The following TTC6 variants were observed in gnomAD, a reference collection of about 807,000 sequenced individuals.
The protein encoded by TTC6 is tetratricopeptide repeat domain 6.
TTC6 carries 172 observed loss-of-function variants against 210.4 expected under a neutral mutation model. That is an observed-to-expected ratio of 0.82 (90% CI 0.72 to 0.93). TTC6 has a LOEUF of 0.93. Ranked by LOEUF, TTC6 falls within the 40% of genes least tolerant of loss-of-function variation. TTC6 has a pLI of 0.00. For missense variants in TTC6, 2,414 were observed against 2,318.1 expected (o/e 1.04, Z -0.85); for synonymous variants, 804 against 819.6 (o/e 0.98, Z 0.32).
intron 24 of TTC6, among the ~76,000 whole-genome samples, chr14:37,810,267 C>T (rs1316743540): frequency 6.6e-6 from 1 of 152,180 alleles, no homozygotes; most frequent in Non-Finnish European, 1.5e-5. Context: ...CCTCCCCAAC[C>T]CCATTCCTGC....
At chr14:37,662,584 A>T (rs1470823786) in intron 1 of TTC6, among the ~76,000 whole-genome samples, 1 of 152,050 alleles carries the variant, frequency 6.6e-6, no homozygotes, top group African/African-American at 2.4e-5. Context: ...TGATTTTTGT[A>T]TATGGTGAAA....
chr14:37,728,656 G>A (rs989997582), intron 7 of TTC6, among the ~76,000 whole-genome samples: 5 of 151,970 alleles, frequency 3.3e-5, no homozygotes, highest in African/African-American at 7.3e-5. Flanking sequence ...TGTTTTAGAG[G>A]TGCTATATAA....
intron 1 of TTC6, among the ~76,000 whole-genome samples, chr14:37,600,935 T>A (rs2095614528): frequency 6.6e-6 from 1 of 152,258 alleles, no homozygotes; most frequent in South Asian, 2.1e-4. Flanking sequence ...GCAAAACTAC[T>A]GCTTAGCTTA....
chr14:37,740,218 T>C (rs370298967), intron 10 of TTC6, among the ~76,000 whole-genome samples: 1 of 151,310 alleles, frequency 6.6e-6, no homozygotes, highest in African/African-American at 2.4e-5. Context: ...TATTTAGGAA[T>C]CAACACAGAA....
chr14:37,697,854 T>C lies in TTC6; in HGVS notation c.1376+1019T>C, dbSNP rs890481931. 2.6e-5 allele frequency among the ~76,000 whole-genome samples: 4 copies of C among 152,266 alleles called. No individual in the cohort carries two copies. The East Asian group carries it at 7.7e-4, about 29-fold the overall frequency. On this transcript the variant is annotated intron_variant, in intron 4 of 30. Coordinates refer to ENST00000553443, the Ensembl canonical transcript of TTC6. ...AAGCAGAAACTTCTTGATTTTTTTT[T>C]CTAAAAAACCTTGCATTTAGTGCAT...
chr14:37,757,225 TTCTTC>T (rs1053325817), intron 14 of TTC6, among the ~76,000 whole-genome samples: 2 of 151,902 alleles, frequency 1.3e-5, no homozygotes, highest in Non-Finnish European at 2.9e-5. Context: ...GTCTATTTGA[TTCTTC>T]TCTTTTCTTC....
intron 20 of TTC6, among the ~76,000 whole-genome samples, chr14:37,798,298 C>T (rs1361997433): frequency 6.6e-6 from 1 of 151,906 alleles, no homozygotes; most frequent in Non-Finnish European, 1.5e-5. Flanking sequence ...ATTTATTTCA[C>T]TTTTTCTTTT....
chr14:37,669,920 T>G (rs1449897490), intron 1 of TTC6, among the ~76,000 whole-genome samples: 1 of 152,190 alleles, frequency 6.6e-6, no homozygotes, highest in Non-Finnish European at 1.5e-5. Context: ...AGAATATTCT[T>G]ATGGATTCTT....
In TTC6 at chr14:37,784,044, C is replaced by T. The variant is rs532096406; in HGVS notation, c.3267-3424C>T. Reference sequence around the variant, plus strand: ...TTTACATTTGCTGAGGAATGCTTTACTTCGAACTGTGTGGTCAATTTTGGA... The same window carrying T: ...TTTACATTTGCTGAGGAATGCTTTATTTCGAACTGTGTGGTCAATTTTGGA... On this transcript the variant is annotated intron_variant, in intron 14 of 30. Coordinates refer to ENST00000553443, the Ensembl canonical transcript of TTC6. 2.0e-5 allele frequency among the ~76,000 whole-genome samples: 3 copies of T among 152,288 alleles called. No homozygotes were observed. The South Asian group carries it at 6.2e-4, about 32-fold the overall frequency.
chr14:37,725,350 A>ATATATG (rs2095870691), intron 7 of TTC6, among the ~76,000 whole-genome samples: 2 of 123,558 alleles, frequency 1.6e-5, no homozygotes, highest in East Asian at 4.7e-4. Flanking sequence ...ATATATATAT[A>ATATATG]TATATATAAT....
intron 29 of TTC6, among the ~76,000 whole-genome samples, chr14:37,832,990 G>A (rs1262691731): frequency 5.3e-5 from 8 of 150,180 alleles, no homozygotes; most frequent in African/African-American, 9.8e-5. Context: ...CCTGGGAGGC[G>A]GAGGTTGCAG....
At chr14:37,630,214 T>C (rs942451203) in intron 1 of TTC6, among the ~76,000 whole-genome samples, 2 of 152,214 alleles carry the variant, frequency 1.3e-5, no homozygotes, top group African/African-American at 4.8e-5. Context: ...CCTGTGGACA[T>C]TTAGTGCTAT....
intron 3 of TTC6, among the ~76,000 whole-genome samples, chr14:37,688,595 G>C (rs2095798081): frequency 6.6e-6 from 1 of 152,154 alleles, no homozygotes; most frequent in Non-Finnish European, 1.5e-5. Flanking sequence ...AGGGGAGAGA[G>C]AGAGAGAGAG....
chr14:37,821,608 A>G (rs947382969), intron 26 of TTC6, among the ~76,000 whole-genome samples: 1 of 152,104 alleles, frequency 6.6e-6, no homozygotes, highest in Non-Finnish European at 1.5e-5. Context: ...TTGGGAAAAC[A>G]TGGAGCAAGT....
chr14:37,602,217 G>A (rs2095616982), intron 1 of TTC6, among the ~76,000 whole-genome samples: 1 of 152,258 alleles, frequency 6.6e-6, no homozygotes, highest in Non-Finnish European at 1.5e-5. Context: ...GGCGGAGACA[G>A]CGCACTTGAA....
chr14:37,640,012 G>C (rs1220021750), intron 1 of TTC6, among the ~76,000 whole-genome samples: 4 of 151,160 alleles, frequency 2.6e-5, no homozygotes, highest in African/African-American at 9.7e-5. Flanking sequence ...TAGGTCTTAA[G>C]GAAAATACCT....
At chr14:37,732,625 A>G (rs921347936) in intron 7 of TTC6, among the ~76,000 whole-genome samples, 2 of 120,460 alleles carry the variant, frequency 1.7e-5, no homozygotes, top group Non-Finnish European at 4.0e-5. Context: ...TCTTTTATTT[A>G]TTTATTTTTT....
At chr14:37,743,238 G>C (rs565563754) in intron 10 of TTC6, among the ~76,000 whole-genome samples, 2 of 152,284 alleles carry the variant, frequency 1.3e-5, no homozygotes, top group Admixed American at 6.5e-5. Context: ...CTTACCTTTT[G>C]GGGTAGATGT....
chr14:37,806,262 A>C, intron 21 of TTC6, 99 bp from the exon 24 acceptor site: 2 of 1,256,066 alleles, frequency 1.6e-6, no homozygotes, highest in Non-Finnish European at 2.1e-6. Flanking sequence ...AAATAGAGTG[A>C]AACTTTTCAA....
Sources: allele counts gnomAD v4.1 joint callset (sites outside exome capture counted in the v4.1 genomes callset), GRCh38; gene constraint gnomAD v4.1.1; transcripts MANE v1.5; gene names NCBI Gene and HGNC (gene_info 2026-07-23, HGNC 2026-07-21).